TMEM177: variants seen among roughly 807,000 people sequenced by gnomAD.
The protein encoded by TMEM177 is transmembrane protein 177.
In TMEM177, 4 loss-of-function variants were observed where a neutral mutation model predicts 14.2. That is an observed-to-expected ratio of 0.28 (90% CI 0.14 to 0.64). The LOEUF is 0.64. Ranked by LOEUF, TMEM177 falls within the 30% of genes least tolerant of loss-of-function variation. The pLI is 0.82. For synonymous variants in TMEM177, 179 were observed against 174.5 expected, an observed-to-expected ratio of 1.03 and a Z score of -0.20; for missense variants, 344 against 405.2, an observed-to-expected ratio of 0.85 and a Z score of 1.30.
the TMEM177 span, among the ~76,000 whole-genome samples, chr2:119,692,969 CAAAAAAAA>C: frequency 6.1e-4 from 32 of 52,208 alleles, no homozygotes; most frequent in Admixed American, 2.6e-3. Context: ...GAGATTGTCT[CAAAAAAAA>C]AAAAAAAAAA....
At chr2:119,683,410 CACCCA>C (rs1688950707), downstream of TMEM177, among the ~76,000 whole-genome samples, 1 of 152,198 alleles carries the variant, frequency 6.6e-6, no homozygotes, top group African/African-American at 2.4e-5. Context: ...CTTGGGGTGT[CACCCA>C]CCTGCTGCTG....
the TMEM177 span, among the ~76,000 whole-genome samples, chr2:119,717,758 G>A: frequency 1.4e-3 from 215 of 152,022 alleles, 1 homozygote; most frequent in East Asian, 0.031. Context: ...ACAGGCGTGC[G>A]CCACCATACC....
chr2:119,683,868 C>G (rs1018213034), downstream of TMEM177, among the ~76,000 whole-genome samples: 1 of 152,176 alleles, frequency 6.6e-6, no homozygotes, highest in Non-Finnish European at 1.5e-5. Context: ...CCACTGAGAG[C>G]CCCCCTGGCA....
the TMEM177 span, among the ~76,000 whole-genome samples, chr2:119,715,763 G>A: frequency 7.2e-5 from 11 of 152,200 alleles, no homozygotes; most frequent in Non-Finnish European, 1.3e-4. Context: ...CTTTCTTGTC[G>A]TTTCAGCTCC....
downstream of TMEM177, among the ~76,000 whole-genome samples, chr2:119,687,926 T>C (rs969830447): frequency 3.3e-5 from 5 of 152,336 alleles, no homozygotes; most frequent in African/African-American, 1.2e-4. Flanking sequence ...GATACAATCA[T>C]AAAAGTTTAT....
At chr2:119,709,692 G>C in the TMEM177 span, among the ~76,000 whole-genome samples, 1 of 151,614 alleles carries the variant, frequency 6.6e-6, no homozygotes, top group Non-Finnish European at 1.5e-5. Flanking sequence ...GGGTGTAGTG[G>C]TGGGCGCCTG....
At chr2:119,686,280 T>C (rs1038944836), downstream of TMEM177, 2 of 152,356 alleles carry the variant, frequency 1.3e-5, no homozygotes, top group African/African-American at 2.4e-5. Flanking sequence ...AAAAAAAAGA[T>C]TGATTTTCTA....
the TMEM177 span, among the ~76,000 whole-genome samples, chr2:119,717,780 G>T: frequency 1.9e-4 from 28 of 147,886 alleles, no homozygotes; most frequent in African/African-American, 6.8e-4. Flanking sequence ...AGCTAATTTT[G>T]TTGTTGTTGT....
chr2:119,721,404 A>C, the TMEM177 span, among the ~76,000 whole-genome samples: 5 of 152,238 alleles, frequency 3.3e-5, no homozygotes, highest in Non-Finnish European at 2.9e-5. Context: ...GCATTCTAGA[A>C]GCTCTTAGGT....
chr2:119,691,141 A>C (rs942363799), downstream of TMEM177, among the ~76,000 whole-genome samples: 8 of 152,118 alleles, frequency 5.3e-5, no homozygotes, highest in South Asian at 6.2e-4. Context: ...CCGGGGGGCA[A>C]ATCTGTGGGC....
downstream of TMEM177, among the ~76,000 whole-genome samples, chr2:119,686,829 A>G (rs2104855509): frequency 6.6e-6 from 1 of 152,216 alleles, no homozygotes. Flanking sequence ...CAGCCTCCCA[A>G]AGTGCTGGGA....
chr2:119,718,420 G>A, the TMEM177 span, among the ~76,000 whole-genome samples: 1 of 152,198 alleles, frequency 6.6e-6, no homozygotes, highest in African/African-American at 2.4e-5. Context: ...TCCAGCTGAG[G>A]TGGGCGAGTG....
the TMEM177 span, among the ~76,000 whole-genome samples, chr2:119,706,019 A>ATATATTATATATTATATATT: frequency 0.44 from 59,206 of 135,910 alleles, 14,497 homozygotes; most frequent in East Asian, 0.53. Flanking sequence ...TATTATATAT[A>ATATATTATATATTATATATT]TTTATATATA....
At chr2:119,719,050 G>A in the TMEM177 span, among the ~76,000 whole-genome samples, 135 of 152,232 alleles carry the variant, frequency 8.9e-4, 1 homozygote, top group Middle Eastern at 3.4e-3. Context: ...CTGGGCCGTG[G>A]ACCACACTTT....
chr2:119,710,305 A>G, the TMEM177 span, among the ~76,000 whole-genome samples: 1 of 152,240 alleles, frequency 6.6e-6, no homozygotes, highest in African/African-American at 2.4e-5. Context: ...TGTATTGGGC[A>G]GTATTTTGGC....
At chr2:119,704,892 C>G in the TMEM177 span, among the ~76,000 whole-genome samples, 1 of 152,202 alleles carries the variant, frequency 6.6e-6, no homozygotes, top group African/African-American at 2.4e-5. Context: ...TGGAAAGCAT[C>G]TGGTTCTGTG....
chr2:119,684,488 AG>A, downstream of TMEM177, among the ~76,000 whole-genome samples: 1 of 152,354 alleles, frequency 6.6e-6, no homozygotes, highest in Non-Finnish European at 1.5e-5. Flanking sequence ...CTGCAGTGGC[AG>A]GATCGTGTAT....
chr2:119,685,792 T>C (rs1167526683), downstream of TMEM177: 2 of 712,206 alleles, frequency 2.8e-6, no homozygotes, highest in Non-Finnish European at 5.2e-6. Flanking sequence ...ACTGTCCTAT[T>C]TAGCCTGAAA....
chr2:119,713,475 T>C, the TMEM177 span, among the ~76,000 whole-genome samples: 435 of 152,296 alleles, frequency 2.9e-3, 2 homozygotes, highest in African/African-American at 1.0e-2. Context: ...ATTGTATGCA[T>C]TGTATCGTAT....
Sources: allele counts gnomAD v4.1 joint callset (sites outside exome capture counted in the v4.1 genomes callset), GRCh38; gene constraint gnomAD v4.1.1; transcripts MANE v1.5; gene names NCBI Gene and HGNC (gene_info 2026-07-23, HGNC 2026-07-21).